CSMD1: variants seen among roughly 807,000 people sequenced by gnomAD.
CSMD1 encodes the protein CUB and sushi domain-containing protein 1.
Under a neutral mutation model 417.5 loss-of-function variants are expected in CSMD1, and 213 were observed. That is an observed-to-expected ratio of 0.51 (90% CI 0.46 to 0.57). CSMD1 has a LOEUF of 0.57. CSMD1 is among the 20% of genes least tolerant of loss of function. The pLI, the probability that CSMD1 is intolerant of heterozygous loss-of-function variation, is 0.00. For missense variants in CSMD1, 6,923 were observed against 4,529.7 expected (o/e 1.53, Z -15.17); for synonymous variants, 2,862 against 1,736.8 (o/e 1.65, Z -16.11).
intron 5 of CSMD1, among the ~76,000 whole-genome samples, chr8:3,795,156 C>CTATAGATATCTATCATGTACAGA (rs1799988008): frequency 4.2e-5 from 2 of 47,912 alleles, no homozygotes; most frequent in East Asian, 7.2e-4. Context: ...TCATGTACAG[C>CTATAGATATCTATCATGTACAGA]TATAGATACC....
At chr8:3,088,947 A>T (rs1392289086) in intron 48 of CSMD1, among the ~76,000 whole-genome samples, 1 of 152,190 alleles carries the variant, frequency 6.6e-6, no homozygotes, top group South Asian at 2.1e-4. Flanking sequence ...GCAGGAAGTG[A>T]GACCATGAGG....
chr8:3,279,485 C>T (rs1802567953), intron 26 of CSMD1, among the ~76,000 whole-genome samples: 1 of 152,238 alleles, frequency 6.6e-6, no homozygotes, highest in Middle Eastern at 3.4e-3. Context: ...AGGTCCTTTA[C>T]AGAACTGTAT....
chr8:3,612,252 CACA>C (rs61648258), intron 8 of CSMD1, among the ~76,000 whole-genome samples: 3,743 of 152,146 alleles, frequency 0.025, 67 homozygotes, highest in Middle Eastern at 0.072. Flanking sequence ...AACAAAAATA[CACA>C]GCAATTTTAA....
intron 23 of CSMD1, among the ~76,000 whole-genome samples, chr8:3,325,479 G>A (rs920467700): frequency 3.3e-5 from 5 of 152,130 alleles, no homozygotes; most frequent in Admixed American, 2.0e-4. Flanking sequence ...CTTTCTCCAA[G>A]TACTGGTGGC....
At chr8:4,190,438 T>TGATGA (rs1798954695) in intron 3 of CSMD1, among the ~76,000 whole-genome samples, 1 of 152,094 alleles carries the variant, frequency 6.6e-6, no homozygotes, top group Non-Finnish European at 1.5e-5. Flanking sequence ...TAATGTGAAT[T>TGATGA]GCTTAGAATA....
chr8:3,810,281 G>A (rs1352369336), intron 5 of CSMD1, among the ~76,000 whole-genome samples: 1 of 152,120 alleles, frequency 6.6e-6, no homozygotes, highest in Non-Finnish European at 1.5e-5. Flanking sequence ...TATTCCTGAT[G>A]TTTCACAGGA....
intron 3 of CSMD1, among the ~76,000 whole-genome samples, chr8:4,087,072 C>A (rs147774188): frequency 1.6e-4 from 24 of 152,284 alleles, no homozygotes; most frequent in Admixed American, 3.9e-4. Flanking sequence ...AAGAGAGATG[C>A]GTCATCCAAG....
In CSMD1 at chr8:3,778,864, T is replaced by C. The variant is rs375028336; in HGVS notation, c.819-24822A>G. Among the ~76,000 whole-genome samples the C allele has an allele frequency of 6.6e-5, 10 of 152,174 alleles. No homozygotes were observed. The East Asian group carries it at 7.7e-4, about 12-fold the overall frequency. On this transcript the variant is annotated intron_variant, in intron 5 of 69. Transcript: ENST00000635120. ...CATTGAATACTCAGTTGAGAAAACA[T>C]GCTGCTTGCAGGCATTTGGACAAAA...
intron 6 of CSMD1, among the ~76,000 whole-genome samples, chr8:3,710,492 T>C (rs1801445768): frequency 6.6e-6 from 1 of 152,170 alleles, no homozygotes; most frequent in Admixed American, 6.5e-5. Context: ...TGTTACTCTT[T>C]TCAAATCACT....
chr8:3,334,145 G>A (rs1222984753), intron 23 of CSMD1, among the ~76,000 whole-genome samples: 1 of 152,170 alleles, frequency 6.6e-6, no homozygotes, highest in Non-Finnish European at 1.5e-5. Context: ...GGGAGAGGAT[G>A]CCAGAAGAAA....
chr8:4,086,876 A>T (rs1221952109), intron 3 of CSMD1, among the ~76,000 whole-genome samples: 2 of 152,218 alleles, frequency 1.3e-5, no homozygotes, highest in Non-Finnish European at 2.9e-5. Context: ...TAAGAGAGTA[A>T]ACTGCAAGTA....
intron 2 of CSMD1, among the ~76,000 whole-genome samples, chr8:4,611,272 G>T (rs1026164557): frequency 6.6e-6 from 1 of 152,142 alleles, no homozygotes; most frequent in African/African-American, 2.4e-5. Context: ...ATCCTGTGTT[G>T]TGAAAACCTT....
At chr8:4,810,981 G>A (rs1318636999) in intron 1 of CSMD1, among the ~76,000 whole-genome samples, 2 of 152,186 alleles carry the variant, frequency 1.3e-5, no homozygotes, top group African/African-American at 4.8e-5. Context: ...AAAGTAAAGA[G>A]ATATTTGTTG....
At chr8:3,863,950 A>T (rs925564142) in intron 5 of CSMD1, among the ~76,000 whole-genome samples, 1 of 152,190 alleles carries the variant, frequency 6.6e-6, no homozygotes, top group Non-Finnish European at 1.5e-5. Flanking sequence ...AGAGGTTTAG[A>T]GGTCTGATTC....
Position 4,309,481 on chromosome 8 carries a change from G to T in CSMD1, c.415+110472C>A, listed in dbSNP as rs532824659. The stretch of plus-strand genomic sequence containing the variant: ...AGACGAGAAAAAATAAATATTAAAT[G>T]CATTTTCTCTCATCAAATTTCTAAA... On this transcript the variant is annotated intron_variant, in intron 3 of 69. Coordinates refer to ENST00000635120, the MANE Select transcript of CSMD1 (RefSeq NM_033225.6). 2.6e-5 allele frequency among the ~76,000 whole-genome samples: 4 copies of T among 152,054 alleles called. No individual in the cohort carries two copies. In the East Asian group the frequency reaches 7.7e-4, roughly 29 times the overall value.
At chr8:4,601,105 C>A (rs552478087) in intron 2 of CSMD1, among the ~76,000 whole-genome samples, 2 of 151,964 alleles carry the variant, frequency 1.3e-5, no homozygotes, top group African/African-American at 4.8e-5. Context: ...TACAGGCATG[C>A]GCCACCACGC....
chr8:4,034,610 C>T (rs897710705), intron 3 of CSMD1, among the ~76,000 whole-genome samples: 1 of 151,968 alleles, frequency 6.6e-6, no homozygotes, highest in Non-Finnish European at 1.5e-5. Context: ...TCAGCTGAGC[C>T]GAGAGCTCTT....
intron 5 of CSMD1, among the ~76,000 whole-genome samples, chr8:3,785,505 G>C (rs1056411582): frequency 6.6e-6 from 1 of 152,180 alleles, no homozygotes; most frequent in Admixed American, 6.5e-5. Context: ...ATACATTAAC[G>C]GCAGTCAAAC....
At chr8:3,279,938 G>C (rs79464866) in intron 26 of CSMD1, among the ~76,000 whole-genome samples, 13,998 of 152,232 alleles carry the variant, frequency 0.092, 794 homozygotes, top group East Asian at 0.16. Flanking sequence ...TTCAAGGTGA[G>C]ATTTGGGTGG....
Sources: gnomAD v4.1 joint callset for allele counts (sites outside exome capture counted in the v4.1 genomes callset) on GRCh38, gnomAD v4.1.1 for gene constraint, MANE v1.5 for transcripts, NCBI Gene and HGNC (gene_info 2026-07-23, HGNC 2026-07-21) for gene names.